The following IQCM variants were observed in gnomAD, a reference collection of about 807,000 sequenced individuals.
IQCM encodes IQ motif containing M.
A neutral mutation model predicts 57.6 loss-of-function variants in IQCM; 45 were observed. The observed-to-expected ratio is 0.78, with a 90% CI of 0.62 to 1.00. The LOEUF is 1.00. Among genes scored for constraint, IQCM ranks in the 50% least tolerant of loss-of-function variants. The probability of loss-of-function intolerance (pLI) is 0.00; values close to 1 mark genes in which losing one functional copy is unlikely to be tolerated. For missense variants in IQCM, 468 were observed against 511.6 expected (o/e 0.91, Z 0.82); for synonymous variants, 148 against 158.9 (o/e 0.93, Z 0.51).
chr4:149,464,987 C>A lies in IQCM; in HGVS notation c.1229-31430G>T, dbSNP rs150020048. Among the ~76,000 whole-genome samples the A allele has an allele frequency of 2.3e-3, 352 of 152,142 alleles. 3 individuals carry two copies. Among genetic ancestry groups the A allele is most frequent in the African/African-American group, 8.1e-3 (336 of 41,542 alleles). ...GATGAAGAGTGTGTACATAGACCTG[C>A]AAAGAGAAGAAAACCATGCATATTA... On this transcript the variant is annotated intron_variant, in intron 12 of 13. Transcript: ENST00000636793.
At chr4:149,681,323 A>G (rs916709677) in intron 7 of IQCM, among the ~76,000 whole-genome samples, 1 of 151,286 alleles carries the variant, frequency 6.6e-6, no homozygotes. Context: ...TTAAGCTCTG[A>G]ACCAATGTAA....
chr4:149,363,401 G>C (rs1032502187), intron 13 of IQCM, among the ~76,000 whole-genome samples: 2 of 152,150 alleles, frequency 1.3e-5, no homozygotes, highest in Non-Finnish European at 2.9e-5. Flanking sequence ...GTATTTATAA[G>C]TGCATGCAAG....
intron 10 of IQCM, 42 bp downstream of exon 10, chr4:149,563,650 G>A (rs1418172544): frequency 8.5e-7 from 1 of 1,176,816 alleles, no homozygotes; most frequent in Non-Finnish European, 1.1e-6. Context: ...TGAATCTAAT[G>A]AGAAATTTTA....
intron 12 of IQCM, among the ~76,000 whole-genome samples, chr4:149,489,675 G>A (rs1344994950): frequency 6.6e-6 from 1 of 151,742 alleles, no homozygotes; most frequent in Non-Finnish European, 1.5e-5. Flanking sequence ...CAGCCACCAA[G>A]GTACTGAATG....
At chr4:149,536,581 G>A (rs1184306641) in intron 12 of IQCM, among the ~76,000 whole-genome samples, 1 of 151,892 alleles carries the variant, frequency 6.6e-6, no homozygotes, top group African/African-American at 2.4e-5. Flanking sequence ...GAATGTCTAA[G>A]CATTTGTAAC....
At chr4:149,385,804 G>A (rs753971638) in intron 13 of IQCM, among the ~76,000 whole-genome samples, 1 of 151,926 alleles carries the variant, frequency 6.6e-6, no homozygotes, top group East Asian at 1.9e-4. Context: ...TCTTCTTGAC[G>A]ACTACCATAA....
intron 9 of IQCM, among the ~76,000 whole-genome samples, chr4:149,571,791 A>G (rs1330765583): frequency 6.6e-6 from 1 of 152,130 alleles, no homozygotes; most frequent in Non-Finnish European, 1.5e-5. Context: ...TAATGAGTAA[A>G]CCAAATAAAC....
chr4:149,529,665 A>C (rs2149847992), intron 12 of IQCM, among the ~76,000 whole-genome samples: 1 of 152,250 alleles, frequency 6.6e-6, no homozygotes, highest in Non-Finnish European at 1.5e-5. Context: ...AAAGGTTATA[A>C]AATGCTCCTC....
chr4:149,388,563 T>C (rs1427494881), intron 13 of IQCM, among the ~76,000 whole-genome samples: 2 of 135,130 alleles, frequency 1.5e-5, no homozygotes, highest in Non-Finnish European at 1.6e-5. Flanking sequence ...ATAATATATT[T>C]ATATACATAA....
At chr4:149,784,824 T>G (rs1771934014) in intron 2 of IQCM, among the ~76,000 whole-genome samples, 4 of 152,236 alleles carry the variant, frequency 2.6e-5, no homozygotes, top group South Asian at 2.1e-4. Flanking sequence ...ATTCATTTAT[T>G]TATTGTATTT....
chr4:149,476,718 A>T (rs1325475692), intron 12 of IQCM, among the ~76,000 whole-genome samples: 1 of 152,086 alleles, frequency 6.6e-6, no homozygotes, highest in African/African-American at 2.4e-5. Flanking sequence ...GCTCTAGGGG[A>T]AAAAATGCTT....
intron 10 of IQCM, among the ~76,000 whole-genome samples, chr4:149,559,048 T>C (rs1403545802): frequency 1.3e-5 from 2 of 152,136 alleles, no homozygotes; most frequent in Non-Finnish European, 2.9e-5. Flanking sequence ...TACACCAGAT[T>C]GCTCAAGACA....
rs58666276 is a variant in IQCM at position 149,440,335 on chromosome 4, T to G, written c.1229-6778A>C. Among the ~76,000 whole-genome samples the G allele has an allele frequency of 4.2e-3, 643 of 152,016 alleles. 1 individual carries two copies. The highest frequency in any genetic ancestry group is 6.8e-3 in the Non-Finnish European group (459 of 67,952). ...GTCCTTTTGTTTTTCCTGAGACAAA[T>G]CGCATCATTTTGGTTATTTTTCTAT... On this transcript the variant is annotated intron_variant, in intron 12 of 13. Transcript: ENST00000636793.
chr4:149,355,472 C>A (rs942654681), intron 13 of IQCM, among the ~76,000 whole-genome samples: 1 of 147,264 alleles, frequency 6.8e-6, no homozygotes, highest in East Asian at 2.0e-4. Context: ...CAATTCCCAC[C>A]TATGACTGAG....
At chr4:149,773,285 G>A (rs1019886890) in intron 2 of IQCM, among the ~76,000 whole-genome samples, 1 of 151,746 alleles carries the variant, frequency 6.6e-6, no homozygotes, top group Non-Finnish European at 1.5e-5. Context: ...CCGGGAGGCA[G>A]AGCTTGCAGT....
At chr4:149,456,964 C>T (rs964838474) in intron 12 of IQCM, among the ~76,000 whole-genome samples, 4 of 151,954 alleles carry the variant, frequency 2.6e-5, no homozygotes, top group African/African-American at 9.7e-5. Context: ...CATCAATTAC[C>T]AAGATTTTAT....
intron 2 of IQCM, among the ~76,000 whole-genome samples, chr4:149,776,210 T>C (rs942403227): frequency 1.2e-4 from 18 of 151,868 alleles, no homozygotes; most frequent in African/African-American, 4.4e-4. Flanking sequence ...CCAAGGAAAA[T>C]TGGAACATAT....
chr4:149,763,471 C>A (rs149731183), intron 2 of IQCM, among the ~76,000 whole-genome samples: 1 of 152,020 alleles, frequency 6.6e-6, no homozygotes, highest in African/African-American at 2.4e-5. Flanking sequence ...TGGAGGAGCT[C>A]CTCTCCTAAA....
At chr4:149,601,324 C>CA (rs1374263653) in intron 8 of IQCM, among the ~76,000 whole-genome samples, 13 of 152,202 alleles carry the variant, frequency 8.5e-5, no homozygotes, top group African/African-American at 2.9e-4. Context: ...AAGATACCTT[C>CA]AAATCTATCT....
Sources: gnomAD v4.1 joint callset for allele counts (sites outside exome capture counted in the v4.1 genomes callset) on GRCh38, gnomAD v4.1.1 for gene constraint, MANE v1.5 for transcripts, NCBI Gene and HGNC (gene_info 2026-07-23, HGNC 2026-07-21) for gene names.